PGC: variants seen among roughly 807,000 people sequenced by gnomAD.
The protein encoded by PGC is progastricsin, also known as gastricsin.
Under a neutral mutation model 45.9 loss-of-function variants are expected in PGC, and 31 were observed. The ratio of observed to expected loss-of-function variants is 0.67; its 90% CI spans 0.51 to 0.91. The LOEUF (loss-of-function observed/expected upper bound fraction) is 0.91, where lower values mean the gene tolerates loss of function less well. Among genes scored for constraint, PGC ranks in the 40% least tolerant of loss-of-function variants. PGC has a pLI of 0.00. For synonymous variants in PGC, 192 were observed against 201.8 expected, an observed-to-expected ratio of 0.95 and a Z score of 0.41; for missense variants, 477 against 493.2, an observed-to-expected ratio of 0.97 and a Z score of 0.31.
chr6:41,739,680 A>T, intron 7 of PGC, 119 bp downstream of exon 7: 2 of 1,035,524 alleles, frequency 1.9e-6, no homozygotes, highest in Non-Finnish European at 2.8e-6. Flanking sequence ...TGGCCTCCCA[A>T]AGTGTTGGGA....
Position 41,742,424 on chromosome 6 carries a change from G to A in PGC, c.513C>T (p.Phe171=), listed in dbSNP as rs146180846. The change falls in exon 5 of 9, where the codon TTC becomes TTT. Residue 171 remains phenylalanine, a synonymous_variant. Coordinates refer to ENST00000373025, the MANE Select transcript of PGC (RefSeq NM_002630.4). ...GLSENEPGTN[F]VYAQFDGIMG... ...TGATGCCATCAAACTGCGCATAGACGAAGTTGGTACCAGGCTCATTCTCAC... is the reference window on the plus strand; with the variant it reads ...TGATGCCATCAAACTGCGCATAGACAAAGTTGGTACCAGGCTCATTCTCAC... The A allele has an allele frequency of 2.0e-4, 330 of 1,614,098 alleles. No homozygotes were observed. The highest frequency in any genetic ancestry group is 2.4e-4 in the Non-Finnish European group (284 of 1,180,006).
Position 41,744,779 on chromosome 6 carries a change from C to G in PGC, c.89G>C (p.Arg30Pro). The stretch of plus-strand genomic sequence containing the variant: ...CAAGCCCTTCTCCTTCATGGTCTCA[C>G]GGATAGACTTAAATTTCTTCAGGGG... ...KVPLKKFKSI[R>P]ETMKEKGLLG... The change falls in exon 2 of 9, where the codon CGT (arginine) becomes CCT (proline). Residue 30 changes from arginine (R) to proline (P), a missense_variant. Arg to Pro is a moderately radical substitution (Grantham distance 103, BLOSUM62 -2). Transcript: ENST00000373025. This position sits in a 1 kb window ranked among gnomAD's most constrained non-coding sequence, Gnocchi z 4.4. 6.2e-7 allele frequency: 1 copy of G among 1,614,098 alleles called. No homozygotes were observed. Among genetic ancestry groups the G allele is most frequent in the African/African-American group, 1.3e-5 (1 of 75,044 alleles).
At chr6:41,742,231 C>A (rs919223471) in intron 5 of PGC, 59 bp downstream of exon 5, 40 of 1,486,720 alleles carry the variant, frequency 2.7e-5, no homozygotes, top group African/African-American at 8.3e-5. Context: ...GAGCCTCAGT[C>A]GTCCAGGGCG....
intron 5 of PGC, 196 bp from the exon 6 acceptor site, chr6:41,740,806 G>A (rs1471393517): frequency 1.4e-6 from 2 of 1,426,746 alleles, no homozygotes; most frequent in African/African-American, 1.4e-5. Context: ...GCTCCCTGAG[G>A]ATGGGGCTGT....
chr6:41,745,723 A>G (rs888540048), intron 1 of PGC, among the ~76,000 whole-genome samples: 1 of 150,400 alleles, frequency 6.6e-6, no homozygotes, highest in African/African-American at 2.5e-5. Context: ...CTAATTTTGT[A>G]TTTTTAGTAG....
chr6:41,747,098 G>A (rs1771941580), intron 1 of PGC, among the ~76,000 whole-genome samples, 178 bp downstream of exon 1: 1 of 152,168 alleles, frequency 6.6e-6, no homozygotes. Flanking sequence ...CTGAAGGCAG[G>A]GGCTGTGTCT....
At chr6:41,742,621 C>T in intron 4 of PGC, 132 bp from the exon 5 acceptor site, 1 of 705,262 alleles carries the variant, frequency 1.4e-6, no homozygotes, top group Admixed American at 2.4e-5. Flanking sequence ...TTTTGGTTTT[C>T]TTGTTTGTTT....
At chr6:41,738,215 CATATATATATGCATATATATATGT>C (rs1771746604) in intron 7 of PGC, among the ~76,000 whole-genome samples, 421 of 13,532 alleles carry the variant, frequency 0.031, 17 homozygotes, top group African/African-American at 0.069. Flanking sequence ...TATATATATG[CATATATATATGCATATATATATGT>C]ATATATATAT....
chr6:41,738,155 T>TACATATATATAC (rs1771730379), intron 7 of PGC, among the ~76,000 whole-genome samples: 1 of 33,008 alleles, frequency 3.0e-5, no homozygotes, highest in Non-Finnish European at 5.7e-5. Context: ...CATATATATA[T>TACATATATATAC]ACATATATAT....
chr6:41,746,934 T>C (rs1045207017), intron 1 of PGC, among the ~76,000 whole-genome samples: 33 of 152,222 alleles, frequency 2.2e-4, no homozygotes, highest in African/African-American at 7.5e-4. Flanking sequence ...ATATCCCTTA[T>C]CCAAAAAGGA....
intron 7 of PGC, among the ~76,000 whole-genome samples, chr6:41,739,284 C>T (rs551702920): frequency 7.9e-5 from 12 of 152,330 alleles, no homozygotes; most frequent in African/African-American, 2.9e-4. Context: ...TAGTAACCTC[C>T]TTCTCCCCTT....
chr6:41,737,034 C>G (rs73733015), intron 8 of PGC, 30 bp from the exon 9 acceptor site: 251,216 of 1,596,372 alleles, frequency 0.16, 20,999 homozygotes, highest in Admixed American at 0.28. Flanking sequence ...AGCACTCATT[C>G]ATTTGTCCAC....
At chr6:41,739,104 G>A (rs893555198) in intron 7 of PGC, among the ~76,000 whole-genome samples, 1 of 152,196 alleles carries the variant, frequency 6.6e-6, no homozygotes, top group Admixed American at 6.5e-5. Context: ...ACAGACAAGC[G>A]CAGGGGAGCA....
In PGC at chr6:41,738,215, C is replaced by T. The variant is rs1445384231; in HGVS notation, c.916-387G>A. On this transcript the variant is annotated intron_variant, in intron 7 of 8. Transcript: ENST00000373025. ...GCATATATATATGCATATATATATG[C>T]ATATATATATGCATATATATATGTA... 9.5e-4 allele frequency among the ~76,000 whole-genome samples: 13 copies of T among 13,622 alleles called. 1 individual carries two copies. The highest frequency in any genetic ancestry group is 1.4e-3 in the African/African-American group (8 of 5,854). 8.9% of individuals were successfully genotyped at this position (13,622 alleles called of 152,430 possible).
rs1771904075 is a variant in PGC, at chr6:41,744,991, C to CTCTGTCTG, written c.60-184_60-183insCAGACAGA. Among the ~76,000 whole-genome samples the CTCTGTCTG allele has an allele frequency of 2.5e-5, 1 of 39,892 alleles. No individual in the cohort carries two copies. Among genetic ancestry groups the CTCTGTCTG allele is most frequent in the South Asian group, 7.5e-4 (1 of 1,328 alleles). 26.2% of individuals were successfully genotyped at this position (39,892 alleles called of 152,430 possible). ...TTGCTCTCTGTCTCTGTCTGTCTGT[C>CTCTGTCTG]TCTCTGTGTGTGTGTGTGTGTGTGC... On this transcript the variant is annotated intron_variant, in intron 1 of 8. Transcript: ENST00000373025. The surrounding 1 kb of genome is among the most constrained non-coding windows in gnomAD (Gnocchi z 4.4).
chr6:41,741,964 G>T, intron 5 of PGC: 2 of 774,702 alleles, frequency 2.6e-6, no homozygotes, highest in South Asian at 3.1e-5. Context: ...CCACCAGGAA[G>T]CCTGTCCAAG....
chr6:41,743,780 C>T (rs975217524), intron 3 of PGC, among the ~76,000 whole-genome samples: 3 of 152,180 alleles, frequency 2.0e-5, no homozygotes, highest in Admixed American at 6.5e-5. Flanking sequence ...CCAGGGCATC[C>T]CCAAGTACTC....
chr6:41,742,875 T>C (rs1408922499), intron 4 of PGC, among the ~76,000 whole-genome samples: 2 of 152,168 alleles, frequency 1.3e-5, no homozygotes, highest in African/African-American at 4.8e-5. Flanking sequence ...CTGCCCGCCT[T>C]GGCCTTCCAA....
At chr6:41,738,123 C>CATATATATGCATATATATATACAT (rs1561879511) in intron 7 of PGC, among the ~76,000 whole-genome samples, 5 of 67,900 alleles carry the variant, frequency 7.4e-5, no homozygotes, top group Non-Finnish European at 1.4e-4. Context: ...TGCCTATATA[C>CATATATATGCATATATATATACAT]ATATATATGC....
Sources: allele counts gnomAD v4.1 joint callset (sites outside exome capture counted in the v4.1 genomes callset), GRCh38; gene constraint gnomAD v4.1.1; non-coding constraint Gnocchi (gnomAD v3.1); transcripts MANE v1.5; gene names NCBI Gene and HGNC (gene_info 2026-07-23, HGNC 2026-07-21).